The following FHIT variants were observed in gnomAD, a reference collection of about 807,000 sequenced individuals.
The protein encoded by FHIT is fragile histidine triad diadenosine triphosphatase, also known as bis(5'-adenosyl)-triphosphatase.
In FHIT, 19 loss-of-function variants were observed where a neutral mutation model predicts 17.9. The observed-to-expected ratio is 1.06, with a 90% CI of 0.74 to 1.56. FHIT has a LOEUF of 1.56. Ranked by LOEUF, FHIT falls within the 40% of genes most tolerant of loss-of-function variation. The probability of loss-of-function intolerance (pLI) is 0.00; values close to 1 mark genes in which losing one functional copy is unlikely to be tolerated. For synonymous variants in FHIT, 81 were observed against 69.7 expected (o/e 1.16, Z -0.81); for missense variants, 248 against 189.2 (o/e 1.31, Z -1.82).
chr3:61,089,458 G>C (rs2106805364), intron 2 of FHIT, among the ~76,000 whole-genome samples: 1 of 152,200 alleles, frequency 6.6e-6, no homozygotes. Flanking sequence ...GCCCATTCAG[G>C]CATTTCATAT....
At chr3:60,457,924 C>T (rs1008651981) in intron 5 of FHIT, among the ~76,000 whole-genome samples, 5 of 152,074 alleles carry the variant, frequency 3.3e-5, no homozygotes, top group African/African-American at 1.2e-4. Flanking sequence ...ATTAAAAAGT[C>T]AGGAAACAAC....
intron 5 of FHIT, among the ~76,000 whole-genome samples, chr3:60,443,916 T>C (rs553707688): frequency 6.6e-6 from 1 of 152,100 alleles, no homozygotes; most frequent in South Asian, 2.1e-4. Flanking sequence ...ACCTACAGAA[T>C]GGGAGAAAAT....
chr3:60,745,077 A>G (rs1226170889), intron 4 of FHIT, among the ~76,000 whole-genome samples: 2 of 152,174 alleles, frequency 1.3e-5, no homozygotes, highest in Non-Finnish European at 2.9e-5. Flanking sequence ...GGAAGACCCC[A>G]TTCTCCACAA....
At chr3:60,569,457 G>A (rs1182966617) in intron 4 of FHIT, among the ~76,000 whole-genome samples, 1 of 151,924 alleles carries the variant, frequency 6.6e-6, no homozygotes, top group Admixed American at 6.6e-5. Flanking sequence ...CATGTGAATA[G>A]ATGTAAGGAA....
At chr3:60,411,175 T>G (rs1021102822) in intron 5 of FHIT, among the ~76,000 whole-genome samples, 1 of 152,190 alleles carries the variant, frequency 6.6e-6, no homozygotes, top group African/African-American at 2.4e-5. Context: ...ATGATACTGA[T>G]GCCAGTATTC....
intron 4 of FHIT, among the ~76,000 whole-genome samples, chr3:60,610,310 A>T: frequency 6.6e-6 from 1 of 152,140 alleles, no homozygotes; most frequent in South Asian, 2.1e-4. Flanking sequence ...ACAGTGCTTC[A>T]ATTACTGACA....
intron 8 of FHIT, among the ~76,000 whole-genome samples, chr3:59,825,255 C>A (rs1051170519): frequency 6.6e-6 from 1 of 152,108 alleles, no homozygotes; most frequent in Non-Finnish European, 1.5e-5. Context: ...TGAAGATCAT[C>A]CCTATTTGTT....
chr3:60,577,292 G>A (rs1431038067), intron 4 of FHIT, among the ~76,000 whole-genome samples: 1 of 152,060 alleles, frequency 6.6e-6, no homozygotes, highest in African/African-American at 2.4e-5. Flanking sequence ...AAGAACATAG[G>A]CTTTCCAAAT....
intron 2 of FHIT, among the ~76,000 whole-genome samples, chr3:61,085,137 C>G (rs1290281053): frequency 1.3e-5 from 2 of 152,126 alleles, no homozygotes; most frequent in African/African-American, 4.8e-5. Context: ...CATTTCATTT[C>G]TCCACAAGTT....
In FHIT at chr3:60,619,001, A is replaced by G. The variant is rs189322143; in HGVS notation, c.-17-82022T>C. Among the ~76,000 whole-genome samples the G allele has an allele frequency of 4.2e-3, 628 of 150,314 alleles. 1 individual carries two copies. The highest frequency in any genetic ancestry group is 6.9e-3 in the Non-Finnish European group (471 of 68,022). ...GGTACCTTTTCAGCCCAGTGGGCCC[A>G]GTATCATACTTCTGTCCTACAGAAC... On this transcript the variant is annotated intron_variant, in intron 4 of 9. Coordinates refer to ENST00000492590, the MANE Select transcript of FHIT (RefSeq NM_002012.4).
chr3:61,141,021 A>C (rs1441663408), intron 2 of FHIT, among the ~76,000 whole-genome samples: 2 of 152,228 alleles, frequency 1.3e-5, no homozygotes, highest in Non-Finnish European at 2.9e-5. Flanking sequence ...TATTAACATA[A>C]TTGCCAAAGT....
chr3:61,129,801 T>C (rs994425230), intron 2 of FHIT, among the ~76,000 whole-genome samples: 5 of 152,214 alleles, frequency 3.3e-5, no homozygotes, highest in Admixed American at 6.5e-5. Flanking sequence ...AACCAGTGCT[T>C]AAATGTTCAG....
intron 7 of FHIT, among the ~76,000 whole-genome samples, chr3:59,947,913 G>T (rs928636333): frequency 1.3e-4 from 20 of 152,280 alleles, no homozygotes; most frequent in African/African-American, 4.6e-4. Context: ...ACCTTTTAAA[G>T]TGGGCTTTTG....
chr3:59,814,639 T>C (rs998981173), intron 8 of FHIT, among the ~76,000 whole-genome samples: 5 of 152,206 alleles, frequency 3.3e-5, no homozygotes, highest in African/African-American at 1.2e-4. Flanking sequence ...GTCCTATTTC[T>C]TTCCTAGGCC....
At chr3:60,926,482 G>A (rs1707621245) in intron 3 of FHIT, among the ~76,000 whole-genome samples, 1 of 152,204 alleles carries the variant, frequency 6.6e-6, no homozygotes, top group Admixed American at 6.5e-5. Flanking sequence ...AATGAAGACA[G>A]AAATAAAGAC....
At chr3:60,520,636 A>T (rs17063427) in intron 5 of FHIT, among the ~76,000 whole-genome samples, 23,862 of 151,988 alleles carry the variant, frequency 0.16, 2,204 homozygotes, top group Middle Eastern at 0.25. Context: ...GATTGCAGAG[A>T]TGCTTCACTT....
At chr3:60,524,219 C>T (rs1192918483) in intron 5 of FHIT, among the ~76,000 whole-genome samples, 6 of 92,154 alleles carry the variant, frequency 6.5e-5, no homozygotes, top group Middle Eastern at 4.5e-3. Context: ...CACACACACA[C>T]ACACACACAC....
At chr3:59,803,889 C>G (rs1393317582) in intron 8 of FHIT, among the ~76,000 whole-genome samples, 1 of 151,818 alleles carries the variant, frequency 6.6e-6, no homozygotes, top group Non-Finnish European at 1.5e-5. Flanking sequence ...CATGTAGATG[C>G]TCGGTAGCAA....
At chr3:59,837,851 G>T (rs1485732) in intron 8 of FHIT, among the ~76,000 whole-genome samples, 12,127 of 151,876 alleles carry the variant, frequency 0.08, 571 homozygotes, top group Middle Eastern at 0.2. Flanking sequence ...GTGGTGGTGT[G>T]GGGGGGTGGT....
Sources: gnomAD v4.1 joint callset for allele counts (sites outside exome capture counted in the v4.1 genomes callset) on GRCh38, gnomAD v4.1.1 for gene constraint, MANE v1.5 for transcripts, NCBI Gene and HGNC (gene_info 2026-07-23, HGNC 2026-07-21) for gene names.